MALRD1: variants seen among roughly 807,000 people sequenced by gnomAD.
The protein encoded by MALRD1 is MAM and LDL receptor class A domain containing 1.
A neutral mutation model predicts 242.1 loss-of-function variants in MALRD1; 247 were observed. That is an observed-to-expected ratio of 1.02 (90% CI 0.92 to 1.13). The LOEUF is 1.13. Among genes scored for constraint, MALRD1 ranks in the 50% most tolerant of loss-of-function variants. The pLI is 0.00. For synonymous variants in MALRD1, 995 were observed against 866.6 expected (o/e 1.15, Z -2.60); for missense variants, 2,989 against 2,533.1 (o/e 1.18, Z -3.86).
chr10:19,217,949 G>C (rs988696877), intron 18 of MALRD1, among the ~76,000 whole-genome samples: 1 of 152,110 alleles, frequency 6.6e-6, no homozygotes, highest in Non-Finnish European at 1.5e-5. Flanking sequence ...CTAAATGTTT[G>C]TTGAGTGGCT....
chr10:19,283,294 T>G, intron 21 of MALRD1, 113 bp downstream of exon 21: 1 of 917,928 alleles, frequency 1.1e-6, no homozygotes. Flanking sequence ...AGACAAATGT[T>G]AAGTTGAAAA....
chr10:19,180,510 C>T (rs142712346), intron 14 of MALRD1, among the ~76,000 whole-genome samples: 236 of 152,276 alleles, frequency 1.5e-3, no homozygotes, highest in African/African-American at 5.0e-3. Context: ...AAAATCTGGA[C>T]GTTCTCATGC....
At chr10:19,710,473 A>G (rs1432799037) in intron 38 of MALRD1, 2 of 152,228 alleles carry the variant, frequency 1.3e-5, no homozygotes, top group African/African-American at 2.4e-5. Flanking sequence ...GACCATACAA[A>G]ATCAGTTTAC....
At chr10:19,323,687 C>A (rs1163408521) in intron 21 of MALRD1, among the ~76,000 whole-genome samples, 1 of 152,178 alleles carries the variant, frequency 6.6e-6, no homozygotes, top group African/African-American at 2.4e-5. Flanking sequence ...CAGCTCACTG[C>A]AACCTGCACT....
intron 36 of MALRD1, among the ~76,000 whole-genome samples, chr10:19,650,157 G>GGATTAGCA (rs1840803969): frequency 6.6e-6 from 1 of 152,130 alleles, no homozygotes. Flanking sequence ...TTCCTGAGTA[G>GGATTAGCA]GATTAGCAGA....
At chr10:19,212,307 CA>C (rs1837105986) in intron 18 of MALRD1, among the ~76,000 whole-genome samples, 1 of 152,072 alleles carries the variant, frequency 6.6e-6, no homozygotes, top group Non-Finnish European at 1.5e-5. Context: ...TTTATACAGT[CA>C]AAAAATGTAT....
chr10:19,602,946 G>C (rs1195948398), intron 34 of MALRD1, among the ~76,000 whole-genome samples: 2 of 152,168 alleles, frequency 1.3e-5, no homozygotes, highest in Non-Finnish European at 2.9e-5. Context: ...CTGATGGCCA[G>C]TGATGATGAG....
chr10:19,096,794 A>G (rs1189246543), intron 4 of MALRD1, among the ~76,000 whole-genome samples: 1 of 152,212 alleles, frequency 6.6e-6, no homozygotes, highest in African/African-American at 2.4e-5. Context: ...AAAGCCATGC[A>G]TCCTTCCTTT....
At chr10:19,250,182 G>A (rs944274982) in intron 18 of MALRD1, among the ~76,000 whole-genome samples, 1 of 151,970 alleles carries the variant, frequency 6.6e-6, no homozygotes. Context: ...TGATCGGACA[G>A]TAGTGCATTG....
chr10:19,246,246 A>G (rs980217429), intron 18 of MALRD1, among the ~76,000 whole-genome samples: 1 of 152,146 alleles, frequency 6.6e-6, no homozygotes. Flanking sequence ...CCTGATAACC[A>G]TATTTTGATA....
chr10:19,408,552 A>G (rs1312722931), intron 28 of MALRD1, among the ~76,000 whole-genome samples: 3 of 152,242 alleles, frequency 2.0e-5, no homozygotes, highest in Admixed American at 2.0e-4. Flanking sequence ...AGAAAATCAT[A>G]CATTAGTGAA....
Position 19,638,101 on chromosome 10 carries a change from C to G in MALRD1, c.6137+22178C>G, listed in dbSNP as rs539263990. ...GGGCAACAAGAGAGAAACTCACTCT[C>G]AAAAAAAAAAAAAAAAAAAAAAAAA... On this transcript the variant is annotated intron_variant, in intron 36 of 39. Coordinates refer to ENST00000454679, the MANE Select transcript of MALRD1 (RefSeq NM_001142308.3). Among the ~76,000 whole-genome samples the G allele has an allele frequency of 2.9e-4, 12 of 41,924 alleles. No individual in the cohort carries two copies. In the South Asian group the frequency reaches 0.017, roughly 60 times the overall value. The allele number at this position is 41,924 out of a possible 152,430, so 27.5% of individuals were successfully genotyped here. A position where few individuals can be genotyped will look rare whatever the true frequency, so the allele number is the denominator to read the frequency against.
chr10:19,258,449 G>C (rs1368554491), intron 19 of MALRD1, among the ~76,000 whole-genome samples: 1 of 152,108 alleles, frequency 6.6e-6, no homozygotes, highest in Non-Finnish European at 1.5e-5. Context: ...CACTCAGACT[G>C]AGAGCTCTTA....
At chr10:19,113,195 C>T (rs868574885) in intron 5 of MALRD1, among the ~76,000 whole-genome samples, 2 of 152,060 alleles carry the variant, frequency 1.3e-5, no homozygotes, top group Non-Finnish European at 2.9e-5. Context: ...CTCCACTTCT[C>T]ATAAATCCAT....
intron 18 of MALRD1, among the ~76,000 whole-genome samples, chr10:19,253,445 C>T (rs917289356): frequency 6.6e-6 from 1 of 151,852 alleles, no homozygotes; most frequent in Non-Finnish European, 1.5e-5. Flanking sequence ...TTTAGGTGAG[C>T]AGTTCTATGA....
chr10:19,510,906 G>C (rs1833373951), intron 31 of MALRD1, among the ~76,000 whole-genome samples: 1 of 152,298 alleles, frequency 6.6e-6, no homozygotes, highest in East Asian at 1.9e-4. Flanking sequence ...TATACCAGAT[G>C]TATTTATCCG....
chr10:19,136,726 C>G lies in MALRD1; in HGVS notation c.1356C>G (p.Val452=), dbSNP rs116047661. ...TSGQCIAKES[V]CDSRQDCSDE... ...GCCAGTGCATCGCCAAAGAATCTGT[C>G]TGTGACTCTCGGCAGGACTGCTCCG... The change falls in exon 10 of 40, where the codon GTC becomes GTG. Residue 452 remains valine, a synonymous_variant. Transcript: ENST00000454679. 250 of 1,231,672 alleles carry G rather than the reference C, an allele frequency of 2.0e-4. 1 individual carries two copies. The African/African-American group carries it at 3.5e-3, about 17-fold the overall frequency. The allele number at this position is 1,231,672 out of a possible 1,614,324, so 76.3% of individuals were successfully genotyped here. A position where few individuals can be genotyped will look rare whatever the true frequency, so the allele number is the denominator to read the frequency against.
At chr10:19,363,308 G>A (rs1844974829) in intron 26 of MALRD1, among the ~76,000 whole-genome samples, 1 of 152,044 alleles carries the variant, frequency 6.6e-6, no homozygotes, top group Non-Finnish European at 1.5e-5. Flanking sequence ...ACATTATGAG[G>A]TCAAGAGATA....
At chr10:19,655,757 T>G (rs991456391) in intron 36 of MALRD1, among the ~76,000 whole-genome samples, 3 of 151,990 alleles carry the variant, frequency 2.0e-5, no homozygotes, top group Admixed American at 2.0e-4. Flanking sequence ...ATTTACCTTC[T>G]GCCAATTTCT....
Sources: allele counts gnomAD v4.1 joint callset (sites outside exome capture counted in the v4.1 genomes callset), GRCh38; gene constraint gnomAD v4.1.1; transcripts MANE v1.5; gene names NCBI Gene and HGNC (gene_info 2026-07-23, HGNC 2026-07-21).